Variants in DPP6 observed in about 807,000 individuals in gnomAD.
DPP6 encodes A-type potassium channel modulatory protein DPP6.
Under a neutral mutation model 122.6 loss-of-function variants are expected in DPP6, and 69 were observed. The ratio of observed to expected loss-of-function variants is 0.56; its 90% CI spans 0.46 to 0.69. The LOEUF is 0.69. Ranked by LOEUF, DPP6 falls within the 30% of genes least tolerant of loss-of-function variation. DPP6 has a pLI of 0.00. For synonymous variants in DPP6, 418 were observed against 433.1 expected (o/e 0.97, Z 0.43); for missense variants, 928 against 1,116.9 (o/e 0.83, Z 2.41).
chr7:154,541,816 T>TA (rs1828752944), intron 4 of DPP6, among the ~76,000 whole-genome samples: 1 of 152,134 alleles, frequency 6.6e-6, no homozygotes, highest in Non-Finnish European at 1.5e-5. Flanking sequence ...TCCCTGGTTT[T>TA]ACAGATAAGG....
chr7:154,275,906 C>T (rs1035935401), intron 1 of DPP6, among the ~76,000 whole-genome samples: 6 of 152,238 alleles, frequency 3.9e-5, no homozygotes, highest in African/African-American at 9.6e-5. Flanking sequence ...CCAGCCCCTC[C>T]GGCTCCAAAT....
intron 7 of DPP6, among the ~76,000 whole-genome samples, chr7:154,693,264 C>T (rs752965044): frequency 4.0e-4 from 61 of 152,168 alleles, no homozygotes; most frequent in African/African-American, 1.2e-3. Flanking sequence ...GGGAAGCAAA[C>T]GCTGACGTGG....
Position 154,801,373 on chromosome 7 carries a change from T to C in DPP6, c.1318T>C (p.Ser440Pro), listed in dbSNP as rs1415983434. 1 of 1,590,782 alleles carries C rather than the reference T, an allele frequency of 6.3e-7. No homozygotes were observed. Among genetic ancestry groups the C allele is most frequent in the Admixed American group, 1.7e-5 (1 of 57,190 alleles). Residue 440 changes from serine (S) to proline (P), a missense_variant, in exon 13 of 26, where the codon TCC (serine) becomes CCC (proline). Transcript: ENST00000377770. ...TCCACAGAATGAAGAACCTGTGTTC[T>C]CCAAGGATGGCCGAAAGTTTTTCTT... ...LHRQNEEPVFSKDGRKFFFIR... is the reference protein window; with the variant it reads ...LHRQNEEPVFPKDGRKFFFIR...
chr7:154,574,711 ATG>A (rs1298381835), intron 5 of DPP6, among the ~76,000 whole-genome samples: 5 of 71,256 alleles, frequency 7.0e-5, no homozygotes, highest in East Asian at 1.1e-3. Context: ...GTGTGTGTGT[ATG>A]TGTGTGTGGG....
At chr7:154,879,604 A>G (rs895938348) in intron 20 of DPP6, among the ~76,000 whole-genome samples, 1 of 151,256 alleles carries the variant, frequency 6.6e-6, no homozygotes, top group African/African-American at 2.4e-5. Flanking sequence ...AAAAAAAAAA[A>G]AAAAAACACA....
chr7:154,374,251 T>C (rs1161530977), intron 1 of DPP6, among the ~76,000 whole-genome samples: 1 of 152,184 alleles, frequency 6.6e-6, no homozygotes, highest in Non-Finnish European at 1.5e-5. Flanking sequence ...AGGACAGGAA[T>C]AGTAAATACC....
intron 1 of DPP6, among the ~76,000 whole-genome samples, chr7:154,202,484 C>T (rs1365768573): frequency 6.6e-6 from 1 of 152,158 alleles, no homozygotes; most frequent in African/African-American, 2.4e-5. Context: ...GGCTTCCCTC[C>T]CCCAATTTCC....
intron 1 of DPP6, among the ~76,000 whole-genome samples, chr7:153,912,876 C>CAT (rs1007470557): frequency 1.3e-5 from 2 of 152,144 alleles, no homozygotes; most frequent in African/African-American, 4.8e-5. Flanking sequence ...CTTTTGCAGC[C>CAT]ATTCTAACTT....
rs1041169914 is a variant in DPP6 at position 154,371,898 on chromosome 7, C to T, written c.244-74316C>T. Among the ~76,000 whole-genome samples the T allele has an allele frequency of 7.9e-5, 12 of 152,200 alleles. 1 individual carries two copies. The South Asian group carries it at 1.9e-3, about 24-fold the overall frequency. Reference sequence around the variant, plus strand: ...CCTGTGCTTTGAAACAGGGAAAATGCGTAGACATACCGGGAAGCCAGAGGG... The same window carrying T: ...CCTGTGCTTTGAAACAGGGAAAATGTGTAGACATACCGGGAAGCCAGAGGG... On this transcript the variant is annotated intron_variant, in intron 1 of 25. Coordinates refer to ENST00000377770, the MANE Select transcript of DPP6 (RefSeq NM_130797.4).
At chr7:154,017,296 G>A (rs538941734) in intron 1 of DPP6, among the ~76,000 whole-genome samples, 44 of 152,266 alleles carry the variant, frequency 2.9e-4, no homozygotes, top group African/African-American at 1.0e-3. Context: ...TTGAACTCCT[G>A]GGTTCTAAGT....
chr7:154,026,167 C>T (rs1340558430), intron 1 of DPP6: 1 of 151,990 alleles, frequency 6.6e-6, no homozygotes, highest in Non-Finnish European at 1.5e-5. Context: ...TGACTAACCC[C>T]CAGTAAGAAC....
chr7:154,357,806 A>G (rs1276327223), intron 1 of DPP6, among the ~76,000 whole-genome samples: 1 of 151,962 alleles, frequency 6.6e-6, no homozygotes, highest in Non-Finnish European at 1.5e-5. Context: ...GCTGGGCCCG[A>G]TGGCACATGC....
At chr7:154,257,131 G>A (rs1332774699) in intron 1 of DPP6, among the ~76,000 whole-genome samples, 1 of 151,450 alleles carries the variant, frequency 6.6e-6, no homozygotes, top group African/African-American at 2.4e-5. Flanking sequence ...TGAGTAGCAT[G>A]TGCCACTATG....
intron 1 of DPP6, among the ~76,000 whole-genome samples, chr7:154,089,413 G>T (rs1238925365): frequency 7.4e-6 from 1 of 134,790 alleles, no homozygotes; most frequent in Admixed American, 7.9e-5. Flanking sequence ...CCCAAGTCCT[G>T]GTTCTATCAT....
intron 3 of DPP6, among the ~76,000 whole-genome samples, chr7:154,496,540 C>T (rs556672453): frequency 5.3e-5 from 8 of 152,192 alleles, no homozygotes; most frequent in South Asian, 2.1e-4. Context: ...GAATGGCATG[C>T]GCCCGTGGCT....
intron 1 of DPP6, among the ~76,000 whole-genome samples, chr7:154,188,660 A>G (rs1798467456): frequency 6.6e-6 from 1 of 152,152 alleles, no homozygotes; most frequent in African/African-American, 2.4e-5. Context: ...CTTTCCATAC[A>G]TATTTCTTTG....
At chr7:153,832,634 A>G in the DPP6 span, among the ~76,000 whole-genome samples, 3 of 151,590 alleles carry the variant, frequency 2.0e-5, no homozygotes, top group Non-Finnish European at 4.4e-5. Context: ...GGAGGGATAT[A>G]TAAATAAGTC....
intron 3 of DPP6, among the ~76,000 whole-genome samples, chr7:154,507,276 AT>A (rs34818675): frequency 0.23 from 34,705 of 149,708 alleles, 4,061 homozygotes; most frequent in Middle Eastern, 0.33. Flanking sequence ...AGAAACCATA[AT>A]TTTTTTTTTT....
intron 7 of DPP6, among the ~76,000 whole-genome samples, chr7:154,711,964 A>ACACACACACACG (rs1841217175): frequency 3.8e-5 from 3 of 79,050 alleles, no homozygotes; most frequent in Non-Finnish European, 9.0e-5. Flanking sequence ...ACACACACAC[A>ACACACACACACG]CTCTTCTTCT....
Sources: gnomAD v4.1 joint callset for allele counts (sites outside exome capture counted in the v4.1 genomes callset) on GRCh38, gnomAD v4.1.1 for gene constraint, MANE v1.5 for transcripts, NCBI Gene and HGNC (gene_info 2026-07-23, HGNC 2026-07-21) for gene names.